SCML2: variants seen among roughly 807,000 people sequenced by gnomAD.
SCML2 encodes Scm polycomb group protein like 2, also known as sex comb on midleg-like protein 2.
SCML2 carries 6 observed loss-of-function variants against 48.4 expected under a neutral mutation model. The observed-to-expected ratio is 0.12, with a 90% CI of 0.07 to 0.24. SCML2 has a LOEUF of 0.24. SCML2 is among the 10% of genes least tolerant of loss of function. SCML2 has a pLI of 1.00. For synonymous variants in SCML2, 181 were observed against 189.5 expected (o/e 0.95, Z 0.37); for missense variants, 377 against 528.2 (o/e 0.71, Z 2.81).
intron 7 of SCML2, among the ~76,000 whole-genome samples, chrX:18,279,166 G>A (rs768123431): frequency 3.5e-5 from 4 of 112,860 alleles, no homozygotes; most frequent in African/African-American, 9.6e-5. Flanking sequence ...CTGTGGACAC[G>A]AGGAAGTACA....
At chrX:18,320,245 G>C in intron 6 of SCML2, 87 bp downstream of exon 6, 1 of 536,565 alleles carries the variant, frequency 1.9e-6, no homozygotes, top group East Asian at 3.6e-5. Flanking sequence ...AAGTATGTTT[G>C]CTTTTCCATG....
At chrX:18,303,739 T>C (rs1402530753) in intron 7 of SCML2, among the ~76,000 whole-genome samples, 3 of 111,898 alleles carry the variant, frequency 2.7e-5, no homozygotes, top group Non-Finnish European at 5.6e-5. Context: ...AATCAACCAT[T>C]AATATCTACT....
chrX:18,250,528 C>T (rs1177322709), intron 11 of SCML2, among the ~76,000 whole-genome samples: 1 of 109,675 alleles, frequency 9.1e-6, no homozygotes, highest in South Asian at 4.0e-4. Flanking sequence ...ACTACAGGCA[C>T]CCGCCACCAC....
chrX:18,247,915 A>G (rs1423862352), intron 11 of SCML2, 33 bp from the exon 12 acceptor site: 4 of 1,017,924 alleles, frequency 3.9e-6, no homozygotes, highest in East Asian at 3.0e-5. Context: ...TGTCTGTTAT[A>G]ACGAACTAAT....
intron 13 of SCML2, among the ~76,000 whole-genome samples, chrX:18,245,966 C>T (rs1431923700): frequency 2.7e-5 from 3 of 112,100 alleles, no homozygotes; most frequent in Non-Finnish European, 5.6e-5. Flanking sequence ...CTCAAACTCC[C>T]GACTTCGGGT....
chrX:18,283,689 C>T (rs1296965114), intron 7 of SCML2, among the ~76,000 whole-genome samples: 1 of 111,834 alleles, frequency 8.9e-6, no homozygotes, highest in Non-Finnish European at 1.9e-5. Flanking sequence ...CCATTTACAA[C>T]AACCACAAGG....
Position 18,334,043 on chromosome X carries a change from A to C in SCML2, c.22+7T>G. On this transcript the variant is annotated splice_region_variant and intron_variant, in intron 2 of 14. Coordinates refer to ENST00000251900, the MANE Select transcript of SCML2 (RefSeq NM_006089.3). ...AAACATTATTGCCTTTAACAAGTAA[A>C]TCTTACCTTCATTCACTGTTTGTCC... The C allele has an allele frequency of 8.4e-7, 1 of 1,195,591 alleles. No homozygotes were observed. The highest frequency in any genetic ancestry group is 3.0e-5 in the East Asian group (1 of 33,327).
chrX:18,247,661 T>C (rs920847030), intron 12 of SCML2, 108 bp downstream of exon 12: 26 of 517,293 alleles, frequency 5.0e-5, no homozygotes, highest in Non-Finnish European at 7.5e-5. Context: ...CCAAACTTGT[T>C]TGGGCAAATT....
At chrX:18,324,637 G>A (rs1411570324) in intron 4 of SCML2, among the ~76,000 whole-genome samples, 2 of 111,816 alleles carry the variant, frequency 1.8e-5, no homozygotes, top group African/African-American at 3.3e-5. Context: ...AAATAGCATC[G>A]CTCCTGTGAG....
intron 6 of SCML2, among the ~76,000 whole-genome samples, chrX:18,313,596 G>A (rs1367264528): frequency 9.0e-6 from 1 of 111,566 alleles, no homozygotes; most frequent in Non-Finnish European, 1.9e-5. Context: ...CTTATTACAT[G>A]TAGTGACACA....
At chrX:18,311,757 G>A (rs935471005) in intron 6 of SCML2, among the ~76,000 whole-genome samples, 1 of 111,034 alleles carries the variant, frequency 9.0e-6, no homozygotes. Context: ...GAACAGAGGA[G>A]TGATATAATT....
chrX:18,336,425 G>A (rs1264935950), intron 1 of SCML2, among the ~76,000 whole-genome samples: 5 of 84,471 alleles, frequency 5.9e-5, no homozygotes, highest in South Asian at 7.0e-4. Context: ...GCGAAAGAGC[G>A]AGACTCGGTC....
At chrX:18,341,882 AC>A (rs1434903997) in intron 1 of SCML2, among the ~76,000 whole-genome samples, 1 of 112,390 alleles carries the variant, frequency 8.9e-6, no homozygotes. Flanking sequence ...TCTTTCAGTC[AC>A]AAGGATGGAG....
rs1026830600 is a variant in SCML2, at chrX:18,250,559, A to G, written c.1457-2677T>C. 2.8e-5 allele frequency among the ~76,000 whole-genome samples: 3 copies of G among 108,541 alleles called. No individual in the cohort carries two copies. The South Asian group carries it at 1.2e-3, about 45-fold the overall frequency. The allele number at this position is 108,541 out of a possible 115,157, so 94.3% of individuals were successfully genotyped here. A position where few individuals can be genotyped will look rare whatever the true frequency, so the allele number is the denominator to read the frequency against. On this transcript the variant is annotated intron_variant, in intron 11 of 14. Transcript: ENST00000251900. Reference sequence around the variant, plus strand: ...ACCACACCTGGCAATTTTTTTTTGTATTTTTAGTAGAGACGGGGTTTCACT... The same window carrying G: ...ACCACACCTGGCAATTTTTTTTTGTGTTTTTAGTAGAGACGGGGTTTCACT...
chrX:18,255,325 G>A (rs758187512), intron 11 of SCML2, among the ~76,000 whole-genome samples: 1 of 112,018 alleles, frequency 8.9e-6, no homozygotes, highest in East Asian at 2.8e-4. Flanking sequence ...CTTTGTCTAT[G>A]GGCACATAGC....
chrX:18,245,003 G>A (rs764922879), intron 13 of SCML2, among the ~76,000 whole-genome samples: 36 of 111,856 alleles, frequency 3.2e-4, no homozygotes, highest in Non-Finnish European at 6.6e-4. Context: ...TGGAGTCAGA[G>A]TGTTTGAGCT....
intron 7 of SCML2, among the ~76,000 whole-genome samples, chrX:18,268,691 G>A (rs1927341672): frequency 9.2e-6 from 1 of 108,247 alleles, no homozygotes; most frequent in East Asian, 2.9e-4. Context: ...TGGGTGCAGC[G>A]CACCAGCATG....
chrX:18,317,848 A>G (rs868662378), intron 6 of SCML2, among the ~76,000 whole-genome samples: 12 of 109,034 alleles, frequency 1.1e-4, no homozygotes, highest in East Asian at 5.8e-4. Flanking sequence ...AAAAAAAAAA[A>G]AAAAAGAAAA....
intron 7 of SCML2, among the ~76,000 whole-genome samples, chrX:18,297,972 G>A (rs1187128416): frequency 9.0e-6 from 1 of 111,162 alleles, no homozygotes; most frequent in Non-Finnish European, 1.9e-5. Context: ...TCATGCCACT[G>A]CACTCCACCC....
Sources: allele counts gnomAD v4.1 joint callset (sites outside exome capture counted in the v4.1 genomes callset), GRCh38; gene constraint gnomAD v4.1.1; transcripts MANE v1.5; gene names NCBI Gene and HGNC (gene_info 2026-07-23, HGNC 2026-07-21).